Variants in PTPRG observed in about 807,000 individuals in gnomAD.
PTPRG encodes the protein receptor-type tyrosine-protein phosphatase gamma.
Under a neutral mutation model 165.3 loss-of-function variants are expected in PTPRG, and 102 were observed. The ratio of observed to expected loss-of-function variants is 0.62; its 90% confidence interval spans 0.53 to 0.73. The LOEUF is 0.73. Ranked by LOEUF, PTPRG falls within the 30% of genes least tolerant of loss-of-function variation. PTPRG has a pLI of 0.00. For missense variants in PTPRG, 1,866 were observed against 1,861.4 expected, an observed-to-expected ratio of 1.00 and a Z score of -0.05; for synonymous variants, 675 against 669.5, an observed-to-expected ratio of 1.01 and a Z score of -0.13.
intron 4 of PTPRG, among the ~76,000 whole-genome samples, chr3:62,051,213 TA>T (rs1259009038): frequency 1.3e-5 from 2 of 152,202 alleles, no homozygotes; most frequent in East Asian, 3.9e-4. Context: ...GAGCAAAATA[TA>T]GAAAGTAATA....
In PTPRG at chr3:62,003,351, G is replaced by A. The variant is rs772283947; in HGVS notation, c.373G>A (p.Ala125Thr). The A allele has an allele frequency of 1.2e-5, 19 of 1,613,208 alleles. No homozygotes were observed. In the East Asian group the frequency reaches 1.6e-4, roughly 13 times the overall value. ...CTCTTCTCATTTGTTTCACACAGTC[G>A]CCATCCTTCTGAAAGACGACTATTT... is the stretch of plus-strand genomic sequence containing the variant. ...TWMKNTGKTV[A>T]ILLKDDYFVS... Residue 125 changes from alanine (A) to threonine (T), a missense_variant and splice_region_variant, in exon 4 of 30, where the codon GCC becomes ACC. Physicochemically the swap from Ala to Thr is moderately conservative, Grantham distance 58. Around this residue, in one of 3 missense-constraint regions of PTPRG, gnomAD observed 408 missense variants for 376.2 expected, o/e 1.08. Transcript: ENST00000474889.
In PTPRG at chr3:62,219,966, TG is replaced by T. The variant is rs570619062; in HGVS notation, c.2288+988del. On this transcript the variant is annotated intron_variant, in intron 13 of 29. Coordinates refer to ENST00000474889, the MANE Select transcript of PTPRG (RefSeq NM_002841.4). The surrounding 1 kb of genome is among the most constrained non-coding windows in gnomAD (Gnocchi z 4.5). ...TAAATCTGGAAAGGGGAGGGGCCCATGGGGGCCTAGCAGGAGTGTTCAGAGT... is the reference window on the plus strand; with the variant it reads ...TAAATCTGGAAAGGGGAGGGGCCCATGGGGCCTAGCAGGAGTGTTCAGAGT... Among the ~76,000 whole-genome samples the T allele has an allele frequency of 2.0e-3, 307 of 152,290 alleles. No homozygotes were observed. Among genetic ancestry groups the T allele is most frequent in the Non-Finnish European group, 3.2e-3 (219 of 68,012 alleles).
At chr3:61,631,879 G>T (rs1376083363) in intron 1 of PTPRG, among the ~76,000 whole-genome samples, 2 of 152,150 alleles carry the variant, frequency 1.3e-5, no homozygotes, top group Admixed American at 1.3e-4. Flanking sequence ...TCATAATCCA[G>T]TGACAAAGAG....
In PTPRG at chr3:62,024,198, C is replaced by T. The variant is rs1334834155; in HGVS notation, c.519+20701C>T. Among the ~76,000 whole-genome samples the T allele has an allele frequency of 2.0e-5, 3 of 152,052 alleles. No individual in the cohort carries two copies. The East Asian group carries it at 5.8e-4, about 29-fold the overall frequency. On this transcript the variant is annotated intron_variant, in intron 4 of 29. Transcript: ENST00000474889. ...TGTCTAAATCAAGGTAATTAACATA[C>T]ATTGCCAACTATTTTCTAGATGTTC...
intron 6 of PTPRG, among the ~76,000 whole-genome samples, chr3:62,153,235 G>C (rs988885815): frequency 2.0e-5 from 3 of 152,192 alleles, no homozygotes; most frequent in African/African-American, 4.8e-5. Flanking sequence ...CCTCATCTGG[G>C]CTTGTGGTCA....
At chr3:61,742,943 T>C in intron 1 of PTPRG, 1 of 1,473,858 alleles carries the variant, frequency 6.8e-7, no homozygotes, top group Non-Finnish European at 9.5e-7. Flanking sequence ...GGAGTGGACT[T>C]AAGTCTGACG....
intron 2 of PTPRG, among the ~76,000 whole-genome samples, chr3:61,870,148 C>T (rs533495522): frequency 9.7e-4 from 147 of 151,598 alleles, no homozygotes; most frequent in African/African-American, 3.4e-3. Context: ...GTATGAAATG[C>T]CCAGCATTAT....
At chr3:62,111,396 G>A (rs989284382) in intron 5 of PTPRG, among the ~76,000 whole-genome samples, 1 of 152,198 alleles carries the variant, frequency 6.6e-6, no homozygotes, top group Non-Finnish European at 1.5e-5. Context: ...GACTGACAGT[G>A]TGCTTTAACA....
intron 5 of PTPRG, among the ~76,000 whole-genome samples, chr3:62,089,715 A>G (rs954144148): frequency 1.3e-5 from 2 of 151,870 alleles, no homozygotes; most frequent in African/African-American, 2.4e-5. Context: ...AGCAAATTCT[A>G]TTTTTCTTGG....
At chr3:62,049,048 A>G (rs1264213163) in intron 4 of PTPRG, among the ~76,000 whole-genome samples, 2 of 152,184 alleles carry the variant, frequency 1.3e-5, no homozygotes, top group Non-Finnish European at 2.9e-5. Context: ...TGACTTTGAC[A>G]CAACTTTGAA....
intron 16 of PTPRG, among the ~76,000 whole-genome samples, chr3:62,260,593 G>A (rs1701665533): frequency 6.6e-6 from 1 of 152,148 alleles, no homozygotes; most frequent in Non-Finnish European, 1.5e-5. Context: ...TACATAGGGA[G>A]TAAAATATAA....
At chr3:62,197,885 A>G (rs992493787) in intron 10 of PTPRG, among the ~76,000 whole-genome samples, 7 of 152,228 alleles carry the variant, frequency 4.6e-5, no homozygotes, top group African/African-American at 7.2e-5. Flanking sequence ...CTCCTTGTCT[A>G]CAGACTTTCT....
intron 8 of PTPRG, among the ~76,000 whole-genome samples, chr3:62,169,621 G>T (rs926598312): frequency 6.6e-6 from 1 of 152,076 alleles, no homozygotes; most frequent in Non-Finnish European, 1.5e-5. Flanking sequence ...GAGCAAGGCT[G>T]ATCAAAGCCC....
In PTPRG at chr3:62,280,509, A is replaced by G. The variant is rs78407107; in HGVS notation, c.3766-1054A>G. On this transcript the variant is annotated intron_variant, in intron 26 of 29. Coordinates refer to ENST00000474889, the MANE Select transcript of PTPRG (RefSeq NM_002841.4). ...ATCTCATTAATTTTCAGGGAAATGT[A>G]AGTCAAGATACCCCACACCCATTAG... Among the ~76,000 whole-genome samples, 197 of 152,204 alleles carry G rather than the reference A, an allele frequency of 1.3e-3. 1 individual carries two copies. The highest frequency in any genetic ancestry group is 4.4e-3 in the African/African-American group (184 of 41,552).
At chr3:61,971,778 A>T (rs567076657) in intron 2 of PTPRG, among the ~76,000 whole-genome samples, 1 of 152,392 alleles carries the variant, frequency 6.6e-6, no homozygotes, top group South Asian at 2.1e-4. Context: ...ATTGAATTGT[A>T]CAATTAAACT....
intron 5 of PTPRG, among the ~76,000 whole-genome samples, chr3:62,103,042 C>T (rs1238121667): frequency 6.6e-6 from 1 of 152,194 alleles, no homozygotes; most frequent in African/African-American, 2.4e-5. Flanking sequence ...TTATGACATC[C>T]TGCTTCTCTT....
intron 1 of PTPRG, among the ~76,000 whole-genome samples, chr3:61,715,803 T>C (rs1330090583): frequency 4.6e-5 from 7 of 151,512 alleles, no homozygotes; most frequent in Admixed American, 2.6e-4. Flanking sequence ...CACACGCCTC[T>C]GTGGTCTCCA....
At chr3:62,160,262 G>A (rs1704698697) in intron 7 of PTPRG, among the ~76,000 whole-genome samples, 1 of 152,310 alleles carries the variant, frequency 6.6e-6, no homozygotes. Flanking sequence ...GTACATACAG[G>A]CAAACAGTAA....
intron 2 of PTPRG, among the ~76,000 whole-genome samples, chr3:61,810,494 G>A (rs557651544): frequency 3.3e-5 from 5 of 152,290 alleles, no homozygotes; most frequent in African/African-American, 9.6e-5. Flanking sequence ...CAACGACAGT[G>A]CGAAGGGATA....
Sources: allele counts gnomAD v4.1 joint callset (sites outside exome capture counted in the v4.1 genomes callset), GRCh38; gene constraint gnomAD v4.1.1; regional missense constraint gnomAD v4.1.1; non-coding constraint Gnocchi (gnomAD v3.1); transcripts MANE v1.5; gene names NCBI Gene and HGNC (gene_info 2026-07-23, HGNC 2026-07-21).